The following RHO variants were observed in gnomAD, a reference collection of about 807,000 sequenced individuals.
RHO encodes opsin 2, rod pigment.
Under a neutral mutation model 31.2 loss-of-function variants are expected in RHO, and 21 were observed. The ratio of observed to expected loss-of-function variants is 0.67; its 90% CI spans 0.48 to 0.97. The LOEUF is 0.97. Ranked by LOEUF, RHO falls within the 50% of genes least tolerant of loss-of-function variation. The pLI is 0.00. For missense variants in RHO, 414 were observed against 479.5 expected (o/e 0.86, Z 1.28); for synonymous variants, 211 against 196.6 (o/e 1.07, Z -0.61).
Position 129,531,182 on chromosome 3 carries a change from G to T in RHO, c.530+138G>T. On this transcript the variant is annotated intron_variant, in intron 2 of 4. Coordinates refer to ENST00000296271, the MANE Select transcript of RHO (RefSeq NM_000539.3). Reference sequence around the variant, plus strand: ...GGCCCAAATGCCCACTCAGGGTAGGGGTGTAGGGCAGAAGAAGAAACAGAC... The same window carrying T: ...GGCCCAAATGCCCACTCAGGGTAGGTGTGTAGGGCAGAAGAAGAAACAGAC... The T allele has an allele frequency of 2.1e-6, 2 of 965,706 alleles. 1 individual carries two copies. Among genetic ancestry groups the T allele is most frequent in the South Asian group, 2.8e-5 (2 of 72,054 alleles). 59.8% of individuals were successfully genotyped at this position (965,706 alleles called of 1,614,324 possible). A position where few individuals can be genotyped will look rare whatever the true frequency, so the allele number is the denominator to read the frequency against.
rs138115019 is a variant in RHO at position 129,530,533 on chromosome 3, A to C, written c.362-343A>C. 5.5e-3 allele frequency among the ~76,000 whole-genome samples: 682 copies of C among 122,890 alleles called. 4 individuals are homozygous for C. Among genetic ancestry groups the C allele is most frequent in the African/African-American group, 0.014 (344 of 24,570 alleles). 80.6% of individuals were successfully genotyped at this position (122,890 alleles called of 152,430 possible). A position where few individuals can be genotyped will look rare whatever the true frequency, so the allele number is the denominator to read the frequency against. ...CACACACACACACACACACACACAC[A>C]ACACACACACACACACACACACACA... is the stretch of plus-strand genomic sequence containing the variant. On this transcript the variant is annotated intron_variant, in intron 1 of 4. Transcript: ENST00000296271.
At position 129,530,928 on chromosome 3, in the gene RHO, G is replaced by C. The variant is rs1213823882; in HGVS notation, c.414G>C (p.Val138=). ...TCCTGGCCATCGAGCGGTACGTGGTGGTGTGTAAGCCCATGAGCAACTTCC... is the reference window on the plus strand; with the variant it reads ...TCCTGGCCATCGAGCGGTACGTGGTCGTGTGTAAGCCCATGAGCAACTTCC... ...LVVLAIERYV[V]VCKPMSNFRF... The change falls in exon 2 of 5, where the codon GTG becomes GTC. Residue 138 remains valine (V), a synonymous_variant. Transcript: ENST00000296271. 6.2e-7 allele frequency: 1 copy of C among 1,614,254 alleles called. No individual in the cohort carries two copies.
rs1489867195 is a variant in RHO, at chr3:129,534,230, TCTC to T, written c.*515_*517del. On this transcript the variant is annotated 3_prime_UTR_variant, in exon 5 of 5. Coordinates refer to ENST00000296271, the MANE Select transcript of RHO (RefSeq NM_000539.3). ...TTTCCCTCCCTGGGCCTCACTTTCT[TCTC>T]CTATAAAATGGAAATCCCAGATCCC... 6.3e-6 allele frequency: 1 copy of T among 159,536 alleles called. No individual in the cohort carries two copies. The highest frequency in any genetic ancestry group is 5.8e-5 in the Admixed American group (1 of 17,126). The allele number at this position is 159,536 out of a possible 1,614,324, so 9.9% of individuals were successfully genotyped here. A position where few individuals can be genotyped will look rare whatever the true frequency, so the allele number is the denominator to read the frequency against.
rs1252183229 is a variant in RHO at position 129,529,028 on chromosome 3, C to T, written c.295C>T (p.Leu99=). The part of the protein sequence containing the change: ...GGFTSTLYTS[L]HGYFVFGPTG... ...CTTCACCAGCACCCTCTACACCTCT[C>T]TGCATGGATACTTCGTCTTCGGGCC... The change falls in exon 1 of 5, where the codon CTG becomes TTG. Residue 99 remains leucine, a synonymous_variant. Transcript: ENST00000296271. 1 of 1,613,870 alleles carries T rather than the reference C, an allele frequency of 6.2e-7. No individual in the cohort carries two copies. Among genetic ancestry groups the T allele is most frequent in the Non-Finnish European group, 8.5e-7 (1 of 1,179,726 alleles).
rs186091794 is a variant in RHO at position 129,532,963 on chromosome 3, G to C, written c.936+191G>C. Among the ~76,000 whole-genome samples the C allele has an allele frequency of 6.6e-6, 1 of 152,296 alleles. No individual in the cohort carries two copies. The highest frequency in any genetic ancestry group is 1.9e-4 in the East Asian group (1 of 5,162). Reference sequence around the variant, plus strand: ...CCCACTCAGAACTGCTGAATCTCAGGGTGGGCCCAGGAACCTGCATTTCCA... The same window carrying C: ...CCCACTCAGAACTGCTGAATCTCAGCGTGGGCCCAGGAACCTGCATTTCCA... On this transcript the variant is annotated intron_variant, in intron 4 of 4. Coordinates refer to ENST00000296271, the MANE Select transcript of RHO (RefSeq NM_000539.3). This position sits in a 1 kb window ranked among gnomAD's most constrained non-coding sequence, Gnocchi z 5.5.
At chr3:129,530,076 G>A (rs1241377560) in intron 1 of RHO, among the ~76,000 whole-genome samples, 2 of 152,186 alleles carry the variant, frequency 1.3e-5, no homozygotes, top group African/African-American at 4.8e-5. Flanking sequence ...CCATTCTCAG[G>A]GAATCTCTGG....
chr3:129,530,533 A>AACACACACACACACACACACACACACAC (rs60120581), intron 1 of RHO, among the ~76,000 whole-genome samples: 49 of 122,912 alleles, frequency 4.0e-4, no homozygotes, highest in East Asian at 2.7e-3. Context: ...ACACACACAC[A>AACACACACACACACACACACACACACAC]ACACACACAC....
In RHO at chr3:129,533,597, T is replaced by C; in HGVS notation, c.937-11T>C. On this transcript the variant is annotated splice_polypyrimidine_tract_variant and intron_variant, in intron 4 of 4. Transcript: ENST00000296271. ...CAGCCCTGGCCCTGACTCAAGCCTC[T>C]TGCCTTCCAGTTCCGGAACTGCATG... 1 of 1,607,396 alleles carries C rather than the reference T, an allele frequency of 6.2e-7. No individual in the cohort carries two copies. Among genetic ancestry groups the C allele is most frequent in the Non-Finnish European group, 8.5e-7 (1 of 1,173,900 alleles).
chr3:129,529,187 T>G, intron 1 of RHO, 93 bp downstream of exon 1: 1 of 1,428,622 alleles, frequency 7.0e-7, no homozygotes, highest in Non-Finnish European at 9.5e-7. Context: ...CTGAGAGGCC[T>G]TCTCCCTTCT....
chr3:129,530,533 A>ACAACACACACACACACAC (rs1553781099), intron 1 of RHO, among the ~76,000 whole-genome samples: 73 of 122,912 alleles, frequency 5.9e-4, no homozygotes, highest in African/African-American at 2.7e-3. Flanking sequence ...ACACACACAC[A>ACAACACACACACACACAC]ACACACACAC....
In RHO at chr3:129,532,241, C is replaced by T; in HGVS notation, c.531-10C>T. 2 of 1,613,594 alleles carry T rather than the reference C, an allele frequency of 1.2e-6. No individual in the cohort carries two copies. Among genetic ancestry groups the T allele is most frequent in the Non-Finnish European group, 1.7e-6 (2 of 1,179,548 alleles). ...TCACAGGCAGGGTCTCCCTACCTGC[C>T]TGTCCTCAGGTACATCCCCGAGGGC... On this transcript the variant is annotated splice_polypyrimidine_tract_variant and intron_variant, in intron 2 of 4. Transcript: ENST00000296271. This position sits in a 1 kb window ranked among gnomAD's most constrained non-coding sequence, Gnocchi z 5.5.
intron 2 of RHO, 28 bp downstream of exon 2, chr3:129,531,072 G>A (rs374788784): frequency 4.4e-5 from 71 of 1,608,630 alleles, no homozygotes; most frequent in Non-Finnish European, 6.0e-5. Flanking sequence ...AAGGGAAGAA[G>A]CTCCGGGGGC....
At position 129,528,682 on chromosome 3, in the gene RHO, C is replaced by G; in HGVS notation, c.-52C>G. On this transcript the variant is annotated 5_prime_UTR_variant, in exon 1 of 5. Transcript: ENST00000296271. The stretch of plus-strand genomic sequence containing the variant: ...CCCTGAGTGGCTGAGCTCAGGCCTT[C>G]GCAGCATTCTTGGGTGGGAGCAGCC... 1 of 1,612,218 alleles carries G rather than the reference C, an allele frequency of 6.2e-7. No homozygotes were observed. Among genetic ancestry groups the G allele is most frequent in the Non-Finnish European group, 8.5e-7 (1 of 1,179,802 alleles).
At chr3:129,531,218 C>G (rs2084778103) in intron 2 of RHO, among the ~76,000 whole-genome samples, 174 bp downstream of exon 2, 2 of 152,206 alleles carry the variant, frequency 1.3e-5, no homozygotes, top group Admixed American at 6.5e-5. Flanking sequence ...TCTAATGTTG[C>G]TACAAGGGCT....
intron 4 of RHO, among the ~76,000 whole-genome samples, chr3:129,533,325 C>T (rs923393987): frequency 6.6e-6 from 1 of 152,178 alleles, no homozygotes; most frequent in Non-Finnish European, 1.5e-5. Context: ...AAACACCAAA[C>T]TCTTGGATTA....
At position 129,532,818 on chromosome 3, in the gene RHO, G is replaced by A. The variant is rs560324786; in HGVS notation, c.936+46G>A. ...GGCCCCAGTGCCCCAGGCCACAGGCGCTGCCTGCCAAGGACAAGCTACTTC... is the reference window on the plus strand; with the variant it reads ...GGCCCCAGTGCCCCAGGCCACAGGCACTGCCTGCCAAGGACAAGCTACTTC... On this transcript the variant is annotated intron_variant, in intron 4 of 4. Transcript: ENST00000296271. The surrounding 1 kb of genome is among the most constrained non-coding windows in gnomAD (Gnocchi z 5.5). 4.0e-5 allele frequency: 65 copies of A among 1,610,974 alleles called. No individual in the cohort carries two copies. Among genetic ancestry groups the A allele is most frequent in the Middle Eastern group, 1.7e-4 (1 of 5,870 alleles).
chr3:129,529,184 GCCTTCTC>G lies in RHO; in HGVS notation c.361+99_361+105del, dbSNP rs1011138447. ...CGGGCTTGGCGGTGGTGGCTGAGAG[GCCTTCTC>G]CCTTCTCCTGTCCTGTCAATGTTAT... On this transcript the variant is annotated intron_variant, in intron 1 of 4. Coordinates refer to ENST00000296271, the MANE Select transcript of RHO (RefSeq NM_000539.3). 6 of 1,474,666 alleles carry G rather than the reference GCCTTCTC, an allele frequency of 4.1e-6. No individual in the cohort carries two copies. In the African/African-American group the frequency reaches 6.9e-5, roughly 17 times the overall value. 91.3% of individuals were successfully genotyped at this position (1,474,666 alleles called of 1,614,324 possible).
chr3:129,529,406 C>T (rs896419629), intron 1 of RHO, among the ~76,000 whole-genome samples: 6 of 152,222 alleles, frequency 3.9e-5, no homozygotes, highest in East Asian at 1.9e-4. Context: ...CACACAGGGA[C>T]GGGTGCAGAG....
chr3:129,529,173 G>C, intron 1 of RHO, 79 bp downstream of exon 1: 1 of 1,519,390 alleles, frequency 6.6e-7, no homozygotes, highest in South Asian at 1.2e-5. Context: ...CTTGGCGGTG[G>C]TGGCTGAGAG....
Sources: allele counts gnomAD v4.1 joint callset (sites outside exome capture counted in the v4.1 genomes callset), GRCh38; gene constraint gnomAD v4.1.1; non-coding constraint Gnocchi (gnomAD v3.1); transcripts MANE v1.5; gene names NCBI Gene and HGNC (gene_info 2026-07-23, HGNC 2026-07-21).